Variants in IFT25 observed in about 807,000 individuals in gnomAD.
The protein encoded by IFT25 is intraflagellar transport 25.
At chr1:53,937,949 A>C in the IFT25 span, among the ~76,000 whole-genome samples, 2 of 152,232 alleles carry the variant, frequency 1.3e-5, no homozygotes, top group South Asian at 4.1e-4. Flanking sequence ...GTGGATATTG[A>C]ATTTTTTATT....
the IFT25 span, among the ~76,000 whole-genome samples, chr1:53,919,393 G>A: frequency 5.3e-5 from 8 of 152,214 alleles, no homozygotes; most frequent in African/African-American, 1.7e-4. Flanking sequence ...GCCCCCTGGA[G>A]GACAAGAAAC....
At chr1:53,928,229 CTGGG>C in the IFT25 span, 1 of 614,988 alleles carries the variant, frequency 1.6e-6, no homozygotes. Flanking sequence ...GTATTCAAAC[CTGGG>C]TCTTTCTAGA....
chr1:53,926,989 T>A, the IFT25 span, among the ~76,000 whole-genome samples: 1 of 152,136 alleles, frequency 6.6e-6, no homozygotes, highest in Non-Finnish European at 1.5e-5. Flanking sequence ...CCTCCCAAAG[T>A]GTTGGGATTA....
the IFT25 span, chr1:53,940,094 T>G: frequency 1.4e-6 from 2 of 1,462,216 alleles, no homozygotes; most frequent in Non-Finnish European, 1.9e-6. Context: ...TTAAAGTGTT[T>G]AACCTGCAAA....
chr1:53,942,603 G>A, the IFT25 span, among the ~76,000 whole-genome samples: 3 of 152,126 alleles, frequency 2.0e-5, no homozygotes, highest in African/African-American at 4.8e-5. Flanking sequence ...AAAACATATA[G>A]GTTTGGTTGA....
the IFT25 span, chr1:53,940,217 C>T: frequency 8.3e-6 from 5 of 600,672 alleles, no homozygotes; most frequent in East Asian, 2.8e-5. Context: ...AGCTATTCAA[C>T]ATGTGGGAGG....
the IFT25 span, chr1:53,930,124 G>T: frequency 6.4e-7 from 1 of 1,558,114 alleles, no homozygotes; most frequent in Non-Finnish European, 8.6e-7. Context: ...TTCCTGTGGT[G>T]GTCCAAAACG....
chr1:53,941,905 T>C, the IFT25 span, among the ~76,000 whole-genome samples: 2 of 152,192 alleles, frequency 1.3e-5, no homozygotes, highest in African/African-American at 2.4e-5. Context: ...CAAGATACCC[T>C]GTGGACCCGA....
At chr1:53,930,129 A>C in the IFT25 span, 1 of 1,555,176 alleles carries the variant, frequency 6.4e-7, no homozygotes, top group Non-Finnish European at 8.6e-7. Flanking sequence ...GTGGTGGTCC[A>C]AAACGTTTCT....
chr1:53,944,681 T>A, the IFT25 span, among the ~76,000 whole-genome samples: 1 of 152,032 alleles, frequency 6.6e-6, no homozygotes, highest in South Asian at 2.1e-4. Flanking sequence ...GGTAGTCTAA[T>A]CCCCCACCCC....
the IFT25 span, among the ~76,000 whole-genome samples, chr1:53,914,869 A>T: frequency 9.9e-5 from 15 of 152,240 alleles, no homozygotes; most frequent in Admixed American, 4.6e-4. Flanking sequence ...ATAAAAAAAA[A>T]TCTGTATAAA....
the IFT25 span, among the ~76,000 whole-genome samples, chr1:53,938,426 T>C: frequency 1.3e-5 from 2 of 152,166 alleles, no homozygotes; most frequent in South Asian, 2.1e-4. Flanking sequence ...CCAAATGTTA[T>C]TGGAGCCCAG....
At chr1:53,943,035 ACT>A in the IFT25 span, among the ~76,000 whole-genome samples, 1 of 152,118 alleles carries the variant, frequency 6.6e-6, no homozygotes, top group Non-Finnish European at 1.5e-5. Context: ...TATAATTTTT[ACT>A]CTCAGTGGTG....
chr1:53,918,487 A>C, the IFT25 span, among the ~76,000 whole-genome samples: 6 of 152,206 alleles, frequency 3.9e-5, no homozygotes, highest in East Asian at 9.6e-4. Context: ...CCTCGAAGTC[A>C]ATTATTCTTC....
At chr1:53,922,793 TA>T in the IFT25 span, among the ~76,000 whole-genome samples, 119 of 151,060 alleles carry the variant, frequency 7.9e-4, no homozygotes, top group African/African-American at 2.5e-3. Flanking sequence ...AATACTAAGT[TA>T]AAAAAAAAGA....
At chr1:53,928,316 T>C in the IFT25 span, 1 of 1,324,336 alleles carries the variant, frequency 7.6e-7, no homozygotes, top group Non-Finnish European at 1.1e-6. Flanking sequence ...AAATGCAGAA[T>C]CAAAGGAATA....
At chr1:53,932,747 G>A in the IFT25 span, among the ~76,000 whole-genome samples, 4 of 152,172 alleles carry the variant, frequency 2.6e-5, no homozygotes, top group South Asian at 2.1e-4. Flanking sequence ...GTGTTTTTTC[G>A]TAGAGATGGG....
the IFT25 span, among the ~76,000 whole-genome samples, chr1:53,924,251 A>T: frequency 6.6e-6 from 1 of 152,094 alleles, no homozygotes; most frequent in Non-Finnish European, 1.5e-5. Context: ...TTTTTAAAAC[A>T]TTTATTTAAA....
chr1:53,938,305 T>C, the IFT25 span, among the ~76,000 whole-genome samples: 1 of 152,232 alleles, frequency 6.6e-6, no homozygotes, highest in Non-Finnish European at 1.5e-5. Flanking sequence ...TTAGTCAAGT[T>C]TGACTCATAG....
Sources: gnomAD v4.1 joint callset for allele counts (sites outside exome capture counted in the v4.1 genomes callset) on GRCh38, gnomAD v4.1.1 for gene constraint, MANE v1.5 for transcripts, NCBI Gene and HGNC (gene_info 2026-07-23, HGNC 2026-07-21) for gene names.